The following MACROD2 variants were observed in gnomAD, a reference collection of about 807,000 sequenced individuals.
MACROD2 encodes mono-ADP ribosylhydrolase 2.
In MACROD2, 36 loss-of-function variants were observed where a neutral mutation model predicts 70.4. The ratio of observed to expected loss-of-function variants is 0.51; its 90% CI spans 0.39 to 0.68. The LOEUF (loss-of-function observed/expected upper bound fraction) is 0.68, where lower values mean the gene tolerates loss of function less well. Ranked by LOEUF, MACROD2 falls within the 30% of genes least tolerant of loss-of-function variation. The probability of loss-of-function intolerance (pLI) is 0.00; values close to 1 mark genes in which losing one functional copy is unlikely to be tolerated. For synonymous variants in MACROD2, 172 were observed against 178.8 expected, an observed-to-expected ratio of 0.96 and a Z score of 0.30; for missense variants, 496 against 538.4, an observed-to-expected ratio of 0.92 and a Z score of 0.78.
At chr20:15,264,167 A>T (rs904930093) in intron 6 of MACROD2, among the ~76,000 whole-genome samples, 1 of 152,102 alleles carries the variant, frequency 6.6e-6, no homozygotes, top group African/African-American at 2.4e-5. Context: ...ATTTCCTCTA[A>T]TTGTGCCTTT....
intron 8 of MACROD2, among the ~76,000 whole-genome samples, chr20:15,539,675 A>C (rs929515895): frequency 6.6e-6 from 1 of 152,172 alleles, no homozygotes; most frequent in African/African-American, 2.4e-5. Context: ...TCACACATTC[A>C]CTCAGTAAAT....
chr20:14,883,077 A>G lies in MACROD2; in HGVS notation c.418+198118A>G, dbSNP rs113734995. On this transcript the variant is annotated intron_variant, in intron 5 of 17. Transcript: ENST00000684519. ...GGTAATACTGTTTCTCTTTCCTTTG[A>G]ATCACTTACCTATCCATTGACCTAA... Among the ~76,000 whole-genome samples, 578 of 152,262 alleles carry G rather than the reference A, an allele frequency of 3.8e-3. 2 individuals are homozygous for G. Among genetic ancestry groups the G allele is most frequent in the Non-Finnish European group, 6.4e-3 (438 of 68,020 alleles).
intron 6 of MACROD2, among the ~76,000 whole-genome samples, chr20:15,345,311 C>T (rs1207593669): frequency 6.6e-6 from 1 of 152,128 alleles, no homozygotes; most frequent in Non-Finnish European, 1.5e-5. Flanking sequence ...CTCTTATGTG[C>T]CAATTACTGT....
At chr20:15,515,348 G>A (rs926683903) in intron 8 of MACROD2, among the ~76,000 whole-genome samples, 5 of 152,204 alleles carry the variant, frequency 3.3e-5, no homozygotes, top group Non-Finnish European at 7.3e-5. Context: ...GACCCTAATA[G>A]TGACTAATTT....
chr20:14,598,999 T>C (rs1982317871), intron 4 of MACROD2, among the ~76,000 whole-genome samples: 1 of 152,160 alleles, frequency 6.6e-6, no homozygotes, highest in Admixed American at 6.5e-5. Context: ...GGATACTATA[T>C]TGATTTATAC....
Position 15,431,452 on chromosome 20 carries a change from TTGA to T in MACROD2, c.571+23_571+25del, listed in dbSNP as rs760676854. On this transcript the variant is annotated intron_variant, in intron 7 of 17. Coordinates refer to ENST00000684519, the MANE Select transcript of MACROD2 (RefSeq NM_001351661.2). ...GCATTTATGGTAAGTGATACAGCTTTTGATGATGTTTGTATTTCTTTATTTTGC... is the reference window on the plus strand; with the variant it reads ...GCATTTATGGTAAGTGATACAGCTTTTGATGTTTGTATTTCTTTATTTTGC... The T allele has an allele frequency of 6.2e-7, 1 of 1,607,986 alleles. No individual in the cohort carries two copies. Among genetic ancestry groups the T allele is most frequent in the South Asian group, 1.1e-5 (1 of 90,680 alleles).
intron 4 of MACROD2, among the ~76,000 whole-genome samples, chr20:14,550,622 T>A (rs113137921): frequency 6.6e-6 from 1 of 152,164 alleles, no homozygotes; most frequent in African/African-American, 2.4e-5. Flanking sequence ...TCCTACTAAA[T>A]AGTTTTAGCT....
intron 10 of MACROD2, among the ~76,000 whole-genome samples, chr20:15,895,032 T>G (rs1269658001): frequency 6.6e-6 from 1 of 152,190 alleles, no homozygotes; most frequent in African/African-American, 2.4e-5. Context: ...ATGATTCCCA[T>G]CACATCCATA....
intron 3 of MACROD2, among the ~76,000 whole-genome samples, chr20:14,280,069 T>C (rs2082294567): frequency 6.6e-6 from 1 of 152,210 alleles, no homozygotes; most frequent in Non-Finnish European, 1.5e-5. Context: ...CTGAATATAG[T>C]CATTTTAATA....
intron 6 of MACROD2, among the ~76,000 whole-genome samples, chr20:15,338,859 C>A (rs1031690458): frequency 7.3e-6 from 1 of 137,362 alleles, no homozygotes; most frequent in Admixed American, 6.9e-5. Context: ...CATTATGGTT[C>A]ATTTTAAAAT....
At chr20:14,447,535 G>T (rs2084196684) in intron 3 of MACROD2, among the ~76,000 whole-genome samples, 1 of 151,898 alleles carries the variant, frequency 6.6e-6, no homozygotes, top group Admixed American at 6.6e-5. Flanking sequence ...TTCACACACT[G>T]CCTATAGGAA....
chr20:15,232,732 T>C (rs1042306690), intron 6 of MACROD2, among the ~76,000 whole-genome samples: 2 of 152,102 alleles, frequency 1.3e-5, no homozygotes, highest in Admixed American at 6.5e-5. Context: ...CCATGTAATT[T>C]CTTGATGTTT....
At chr20:15,652,070 T>C (rs2146797918) in intron 8 of MACROD2, among the ~76,000 whole-genome samples, 1 of 152,236 alleles carries the variant, frequency 6.6e-6, no homozygotes, top group East Asian at 1.9e-4. Flanking sequence ...GCCCAGAACC[T>C]TGCTCACAGC....
intron 6 of MACROD2, among the ~76,000 whole-genome samples, chr20:15,255,598 C>G (rs1000233654): frequency 6.6e-6 from 1 of 152,022 alleles, no homozygotes; most frequent in African/African-American, 2.4e-5. Flanking sequence ...CATAAGAGCT[C>G]TGGAGGGCAC....
At chr20:15,620,532 G>T (rs2049110393) in intron 8 of MACROD2, among the ~76,000 whole-genome samples, 2 of 152,174 alleles carry the variant, frequency 1.3e-5, no homozygotes. Context: ...ATAACAATAT[G>T]TCAGCTATGA....
intron 8 of MACROD2, among the ~76,000 whole-genome samples, chr20:15,791,044 AT>A (rs762145646): frequency 2.0e-5 from 3 of 151,480 alleles, no homozygotes; most frequent in Non-Finnish European, 4.4e-5. Flanking sequence ...ATTATGCTTC[AT>A]TTTTCAAAAG....
intron 2 of MACROD2, among the ~76,000 whole-genome samples, chr20:14,028,496 G>T (rs1026671539): frequency 1.3e-5 from 2 of 152,206 alleles, no homozygotes; most frequent in South Asian, 4.1e-4. Flanking sequence ...AGCTAGCTCG[G>T]TGTCTGCCCA....
At chr20:14,387,791 C>T (rs891199529) in intron 3 of MACROD2, among the ~76,000 whole-genome samples, 1 of 152,128 alleles carries the variant, frequency 6.6e-6, no homozygotes, top group African/African-American at 2.4e-5. Context: ...TTTCCCTTTA[C>T]ACTCTCCTCA....
At chr20:14,191,869 G>T (rs1488963495) in intron 3 of MACROD2, among the ~76,000 whole-genome samples, 1 of 152,118 alleles carries the variant, frequency 6.6e-6, no homozygotes, top group South Asian at 2.1e-4. Flanking sequence ...GTCAATTTTA[G>T]TGAGGACTTT....
Sources: gnomAD v4.1 joint callset for allele counts (sites outside exome capture counted in the v4.1 genomes callset) on GRCh38, gnomAD v4.1.1 for gene constraint, MANE v1.5 for transcripts, NCBI Gene and HGNC (gene_info 2026-07-23, HGNC 2026-07-21) for gene names.